The following AGBL1 variants were observed in gnomAD, a reference collection of about 807,000 sequenced individuals.
AGBL1 encodes the protein AGBL carboxypeptidase 1, also known as cytosolic carboxypeptidase 4.
A neutral mutation model predicts 118.9 loss-of-function variants in AGBL1; 130 were observed. The ratio of observed to expected loss-of-function variants is 1.09; its 90% CI spans 0.95 to 1.26. The LOEUF (loss-of-function observed/expected upper bound fraction) is 1.26. Among genes scored for constraint, AGBL1 ranks in the 50% most tolerant of loss-of-function variants. The probability of loss-of-function intolerance (pLI) is 0.00; values close to 1 mark genes in which losing one functional copy is unlikely to be tolerated. For missense variants in AGBL1, 1,584 were observed against 1,298.1 expected, an observed-to-expected ratio of 1.22 and a Z score of -3.38; for synonymous variants, 555 against 478.9, an observed-to-expected ratio of 1.16 and a Z score of -2.08.
intron 22 of AGBL1, among the ~76,000 whole-genome samples, chr15:86,746,034 G>T (rs1043532725): frequency 5.9e-5 from 9 of 152,072 alleles, no homozygotes; most frequent in Non-Finnish European, 8.8e-5. Flanking sequence ...TTTGGTTCCT[G>T]TTGGGGCTTC....
chr15:86,945,796 T>C (rs2080813428), intron 23 of AGBL1, among the ~76,000 whole-genome samples: 1 of 152,248 alleles, frequency 6.6e-6, no homozygotes, highest in South Asian at 2.1e-4. Context: ...TTCATTGTTA[T>C]TAGTCAGCAG....
At chr15:86,714,203 C>A (rs2086603632) in intron 22 of AGBL1, among the ~76,000 whole-genome samples, 1 of 152,120 alleles carries the variant, frequency 6.6e-6, no homozygotes, top group Non-Finnish European at 1.5e-5. Flanking sequence ...CCAAGAAATA[C>A]AACCCATGTG....
intron 21 of AGBL1, among the ~76,000 whole-genome samples, chr15:86,559,402 C>A (rs1596264393): frequency 6.6e-6 from 1 of 152,196 alleles, no homozygotes; most frequent in African/African-American, 2.4e-5. Flanking sequence ...TGTGGTAAAG[C>A]CCTAAATATG....
intron 17 of AGBL1, among the ~76,000 whole-genome samples, chr15:86,394,363 A>G (rs17670700): frequency 0.18 from 26,899 of 152,048 alleles, 2,542 homozygotes; most frequent in South Asian, 0.2. Flanking sequence ...GCGGTTCTCA[A>G]TTGTTCTTTT....
At chr15:86,343,763 C>T (rs2080496247) in intron 17 of AGBL1, among the ~76,000 whole-genome samples, 2 of 152,138 alleles carry the variant, frequency 1.3e-5, no homozygotes, top group African/African-American at 4.8e-5. Context: ...CAAGTTTCTT[C>T]CCTTTTAGAG....
chr15:86,992,547 T>A (rs770046374), intron 24 of AGBL1, among the ~76,000 whole-genome samples: 5 of 152,066 alleles, frequency 3.3e-5, no homozygotes, highest in Non-Finnish European at 7.4e-5. Flanking sequence ...CAGAATCCCT[T>A]CCTAATTGCA....
intron 21 of AGBL1, among the ~76,000 whole-genome samples, chr15:86,557,598 G>C (rs1056093381): frequency 2.0e-5 from 3 of 152,162 alleles, no homozygotes; most frequent in African/African-American, 7.2e-5. Context: ...CCTTCCTGCA[G>C]TGCATCCTTT....
At chr15:86,923,024 A>C (rs2080495864) in intron 23 of AGBL1, among the ~76,000 whole-genome samples, 1 of 152,206 alleles carries the variant, frequency 6.6e-6, no homozygotes, top group Non-Finnish European at 1.5e-5. Context: ...GATCCCACCC[A>C]GGGCACTGCA....
intron 22 of AGBL1, among the ~76,000 whole-genome samples, chr15:86,806,184 C>A (rs2078711542): frequency 6.6e-6 from 1 of 152,048 alleles, no homozygotes; most frequent in Non-Finnish European, 1.5e-5. Flanking sequence ...CATTGTCATG[C>A]ATTTGGGATT....
intron 18 of AGBL1, among the ~76,000 whole-genome samples, chr15:86,447,006 C>T (rs1310176753): frequency 2.0e-5 from 3 of 152,098 alleles, no homozygotes; most frequent in African/African-American, 7.2e-5. Context: ...AAATGCAGAT[C>T]GTATACTTTA....
intron 18 of AGBL1, among the ~76,000 whole-genome samples, chr15:86,489,975 T>C (rs2082759233): frequency 6.6e-6 from 1 of 152,054 alleles, no homozygotes; most frequent in South Asian, 2.1e-4. Flanking sequence ...ATATAAAACA[T>C]AAAATTATCC....
chr15:86,291,840 T>C (rs973233004), intron 16 of AGBL1, among the ~76,000 whole-genome samples: 5 of 152,194 alleles, frequency 3.3e-5, no homozygotes, highest in African/African-American at 1.2e-4. Context: ...TGCAGGTGCA[T>C]CTCATCAATA....
intron 17 of AGBL1, among the ~76,000 whole-genome samples, chr15:86,376,194 G>A (rs887477048): frequency 1.3e-5 from 2 of 152,192 alleles, no homozygotes; most frequent in Non-Finnish European, 2.9e-5. Context: ...ACTGATGTCA[G>A]AATCAGAGAC....
chr15:86,266,979 T>C lies in AGBL1; in HGVS notation c.1752-11T>C, dbSNP rs2079084758. On this transcript the variant is annotated splice_polypyrimidine_tract_variant and intron_variant, in intron 12 of 22. Coordinates refer to ENST00000614907, the MANE Select transcript of AGBL1 (RefSeq NM_001386094.1). The stretch of plus-strand genomic sequence containing the variant: ...AACACATATGTTCACATGTTCCTTA[T>C]TTCATTGTAGGCCTTTGCAAGACAA... 1 of 1,555,668 alleles carries C rather than the reference T, an allele frequency of 6.4e-7. No individual in the cohort carries two copies. The highest frequency in any genetic ancestry group is 8.7e-7 in the Non-Finnish European group (1 of 1,145,724).
Position 86,375,292 on chromosome 15 carries a change from G to T in AGBL1, c.2375-22074G>T, listed in dbSNP as rs923574293. On this transcript the variant is annotated intron_variant, in intron 17 of 22. Coordinates refer to ENST00000614907, the MANE Select transcript of AGBL1 (RefSeq NM_001386094.1). ...ACAATCATGGCAGAAGGGAAAGCAGGCACCTTCTTCACAAGTCGGCAGGAA... is the reference window on the plus strand; with the variant it reads ...ACAATCATGGCAGAAGGGAAAGCAGTCACCTTCTTCACAAGTCGGCAGGAA... 6.6e-5 allele frequency among the ~76,000 whole-genome samples: 10 copies of T among 152,116 alleles called. No individual in the cohort carries two copies. The East Asian group carries it at 1.7e-3, about 26-fold the overall frequency.
intron 16 of AGBL1, 124 bp downstream of exon 16, chr15:86,279,907 C>A (rs1016093576): frequency 1.3e-5 from 17 of 1,291,182 alleles, no homozygotes; most frequent in East Asian, 2.3e-5. Flanking sequence ...GGAACTACAG[C>A]CTTCCTAAAG....
chr15:86,324,539 A>C (rs1310905280), intron 17 of AGBL1, among the ~76,000 whole-genome samples: 1 of 152,204 alleles, frequency 6.6e-6, no homozygotes, highest in Non-Finnish European at 1.5e-5. Flanking sequence ...GCATTCATTC[A>C]ACCAATTTGT....
intron 18 of AGBL1, among the ~76,000 whole-genome samples, chr15:86,447,191 T>C (rs2082131134): frequency 6.6e-6 from 1 of 152,208 alleles, no homozygotes; most frequent in African/African-American, 2.4e-5. Flanking sequence ...AATTTCCGCC[T>C]CTTCTCCACC....
chr15:86,351,302 C>A (rs1398438388), intron 17 of AGBL1, among the ~76,000 whole-genome samples: 1 of 152,096 alleles, frequency 6.6e-6, no homozygotes, highest in African/African-American at 2.4e-5. Flanking sequence ...CAGCATTAAT[C>A]CATTAATGAG....
Sources: gnomAD v4.1 joint callset for allele counts (sites outside exome capture counted in the v4.1 genomes callset) on GRCh38, gnomAD v4.1.1 for gene constraint, MANE v1.5 for transcripts, NCBI Gene and HGNC (gene_info 2026-07-23, HGNC 2026-07-21) for gene names.